The following MCC variants were observed in gnomAD, a reference collection of about 807,000 sequenced individuals.
The protein encoded by MCC is colorectal mutant cancer protein.
Under a neutral mutation model 116.2 loss-of-function variants are expected in MCC, and 90 were observed. The observed-to-expected ratio is 0.77, with a 90% CI of 0.65 to 0.92. MCC has a LOEUF of 0.92. Ranked by LOEUF, MCC falls within the 40% of genes least tolerant of loss-of-function variation. The probability of loss-of-function intolerance (pLI) is 0.00; values close to 1 mark genes in which losing one functional copy is unlikely to be tolerated. For synonymous variants in MCC, 578 were observed against 510.5 expected (o/e 1.13, Z -1.78); for missense variants, 1,516 against 1,312.2 (o/e 1.16, Z -2.40).
chr5:113,471,653 A>G, intron 1 of MCC, among the ~76,000 whole-genome samples: 1 of 151,960 alleles, frequency 6.6e-6, no homozygotes, highest in Non-Finnish European at 1.5e-5. Context: ...CCTTTCTCAG[A>G]TCTCAAGCTG....
At chr5:113,094,782 G>GAGCT (rs1755904601) in intron 8 of MCC, among the ~76,000 whole-genome samples, 1 of 152,168 alleles carries the variant, frequency 6.6e-6, no homozygotes, top group Non-Finnish European at 1.5e-5. Flanking sequence ...TGACAGCCAA[G>GAGCT]AGCTAGCCTT....
At chr5:113,220,182 T>C (rs13163435) in intron 3 of MCC, among the ~76,000 whole-genome samples, 14,278 of 46,956 alleles carry the variant, frequency 0.3, 6,493 homozygotes, top group Non-Finnish European at 0.86. Flanking sequence ...CGCAGCCTCC[T>C]CAGTAGCTGG....
intron 1 of MCC, among the ~76,000 whole-genome samples, chr5:113,432,335 A>AG (rs1770682110): frequency 6.6e-6 from 1 of 151,352 alleles, no homozygotes; most frequent in African/African-American, 2.4e-5. Flanking sequence ...AAAAAAAAAA[A>AG]AAAAAAAAGA....
intron 3 of MCC, among the ~76,000 whole-genome samples, chr5:113,187,754 C>CA (rs5870533): frequency 4.1e-4 from 50 of 122,964 alleles, no homozygotes; most frequent in African/African-American, 1.2e-3. Flanking sequence ...GACTCCAACT[C>CA]AAAAAAAAAA....
chr5:113,134,945 T>C (rs77738504), intron 5 of MCC, among the ~76,000 whole-genome samples: 13,440 of 47,904 alleles, frequency 0.28, 869 homozygotes, highest in East Asian at 0.46. Context: ...CTTTTACTTC[T>C]TTTTTTTTTT....
intron 3 of MCC, among the ~76,000 whole-genome samples, chr5:113,275,309 T>A (rs1378529177): frequency 6.6e-6 from 1 of 152,316 alleles, no homozygotes; most frequent in Middle Eastern, 3.4e-3. Flanking sequence ...TTTGGTCAGA[T>A]ACAGTTTAAA....
intron 3 of MCC, among the ~76,000 whole-genome samples, chr5:113,171,968 A>G: frequency 6.6e-6 from 1 of 152,198 alleles, no homozygotes; most frequent in Non-Finnish European, 1.5e-5. Context: ...ACCAAGAAAA[A>G]GTAAAATGGA....
At chr5:113,196,761 A>G (rs2150316390) in intron 3 of MCC, among the ~76,000 whole-genome samples, 1 of 152,316 alleles carries the variant, frequency 6.6e-6, no homozygotes, top group East Asian at 1.9e-4. Flanking sequence ...AGGCAGGAGA[A>G]TCGCTTGAAC....
rs1424783587 is a variant in MCC at position 113,101,815 on chromosome 5, C to A, written c.1322G>T (p.Ser441Ile). The A allele has an allele frequency of 1.9e-6, 3 of 1,613,604 alleles. No individual in the cohort carries two copies. The highest frequency in any genetic ancestry group is 2.5e-6 in the Non-Finnish European group (3 of 1,180,026). Residue 441 changes from serine (S) to isoleucine (I), a missense_variant, in exon 8 of 19, where the codon AGC becomes ATC. Coordinates refer to ENST00000408903, the MANE Select transcript of MCC (RefSeq NM_001085377.2). ...AGTCCGGTTCAGTTCTTCCTCTTTG[C>A]TGCACAGCATGGCAGTCAGGCTCTC... ...ENESLTAMLC[S>I]KEEELNRTKA...
chr5:113,259,957 C>T (rs773361469), intron 3 of MCC, among the ~76,000 whole-genome samples: 1 of 151,566 alleles, frequency 6.6e-6, no homozygotes, highest in African/African-American at 2.4e-5. Flanking sequence ...CCAAAATGTA[C>T]AAATAAGCTC....
At chr5:113,060,808 TC>T (rs141495399) in intron 14 of MCC, among the ~76,000 whole-genome samples, 2,042 of 152,278 alleles carry the variant, frequency 0.013, 38 homozygotes, top group African/African-American at 0.044. Flanking sequence ...GGGGCTGGTC[TC>T]TAGAGCTCAC....
intron 15 of MCC, among the ~76,000 whole-genome samples, chr5:113,053,042 T>C (rs1357585510): frequency 6.6e-6 from 1 of 152,196 alleles, no homozygotes; most frequent in Non-Finnish European, 1.5e-5. Flanking sequence ...GGCTGGTGCC[T>C]GGCATTCCAC....
intron 4 of MCC, among the ~76,000 whole-genome samples, chr5:113,145,987 A>G (rs1206354832): frequency 6.6e-6 from 1 of 152,184 alleles, no homozygotes; most frequent in Non-Finnish European, 1.5e-5. Context: ...CTAAAGGAAA[A>G]AAAGACTCAA....
chr5:113,108,148 T>A (rs1756857250), intron 6 of MCC, among the ~76,000 whole-genome samples: 1 of 151,422 alleles, frequency 6.6e-6, no homozygotes, highest in Non-Finnish European at 1.5e-5. Context: ...AGTTCAAGAC[T>A]GGCCTGGCCA....
intron 8 of MCC, 148 bp from the exon 9 acceptor site, chr5:113,085,458 A>G (rs1755147910): frequency 3.0e-6 from 2 of 657,054 alleles, no homozygotes; most frequent in African/African-American, 3.7e-5. Context: ...AAAAGTCATT[A>G]TATTCCTTTT....
Position 113,488,374 on chromosome 5 carries a change from CTGGAGCT to C in MCC, c.34_40del (p.Ser12AlafsTer48). 6.6e-7 allele frequency: 1 copy of C among 1,506,152 alleles called. No homozygotes were observed. Among genetic ancestry groups the C allele is most frequent in the South Asian group, 1.3e-5 (1 of 78,134 alleles). The allele number at this position is 1,506,152 out of a possible 1,614,324, so 93.3% of individuals were successfully genotyped here. A position where few individuals can be genotyped will look rare whatever the true frequency, so the allele number is the denominator to read the frequency against. ...GCTGCCGCCGCCGCCGCCGCCGCTG[CTGGAGCT>C]CCCCGCAGCCGCTGCCGCCGCGGCC... On this transcript the variant is annotated frameshift_variant, in exon 1 of 19. Coordinates refer to ENST00000408903, the MANE Select transcript of MCC (RefSeq NM_001085377.2). LOFTEE classifies it high-confidence loss of function.
At chr5:113,293,614 C>T (rs1278554758) in intron 3 of MCC, among the ~76,000 whole-genome samples, 3 of 152,140 alleles carry the variant, frequency 2.0e-5, no homozygotes, top group African/African-American at 7.2e-5. Context: ...GGCATCTTAC[C>T]GCTCACACAT....
intron 1 of MCC, among the ~76,000 whole-genome samples, chr5:113,452,716 G>A (rs897049297): frequency 2.6e-5 from 4 of 152,168 alleles, no homozygotes; most frequent in Admixed American, 6.5e-5. Context: ...GGCATAGTTG[G>A]AACTCAGAAA....
intron 17 of MCC, among the ~76,000 whole-genome samples, chr5:113,039,248 C>T (rs1374277244): frequency 1.3e-5 from 2 of 152,162 alleles, no homozygotes; most frequent in African/African-American, 2.4e-5. Flanking sequence ...GACGAGATCT[C>T]GCTATGTTGC....
Sources: gnomAD v4.1 joint callset for allele counts (sites outside exome capture counted in the v4.1 genomes callset) on GRCh38, gnomAD v4.1.1 for gene constraint, MANE v1.5 for transcripts, NCBI Gene and HGNC (gene_info 2026-07-23, HGNC 2026-07-21) for gene names.